The following SIRT4 variants were observed in gnomAD, a reference collection of about 807,000 sequenced individuals.
SIRT4 encodes sirtuin 4.
Under a neutral mutation model 26.1 loss-of-function variants are expected in SIRT4, and 23 were observed. The ratio of observed to expected loss-of-function variants is 0.88; its 90% CI spans 0.63 to 1.25. The LOEUF is 1.25. Ranked by LOEUF, SIRT4 falls within the 50% of genes most tolerant of loss-of-function variation. The pLI is 0.00. For synonymous variants in SIRT4, 155 were observed against 158.4 expected (o/e 0.98, Z 0.16); for missense variants, 361 against 405.4 (o/e 0.89, Z 0.94).
upstream of SIRT4, among the ~76,000 whole-genome samples, chr12:120,302,158 A>G (rs1305848502): frequency 2.6e-5 from 4 of 152,154 alleles, no homozygotes; most frequent in East Asian, 5.8e-4. Flanking sequence ...AAAAAAATCC[A>G]TGATTAAAAG....
At chr12:120,294,639 C>CT in the SIRT4 span, among the ~76,000 whole-genome samples, 1 of 152,058 alleles carries the variant, frequency 6.6e-6, no homozygotes, top group African/African-American at 2.4e-5. Flanking sequence ...ACTTCAACCT[C>CT]TGCTTCCAGG....
At chr12:120,311,027 G>A (rs1872943014) in intron 2 of SIRT4, among the ~76,000 whole-genome samples, 2 of 111,442 alleles carry the variant, frequency 1.8e-5, no homozygotes, top group Non-Finnish European at 3.5e-5. Flanking sequence ...GAGCCACCAC[G>A]CCCAGCCTGA....
At chr12:120,300,668 G>C (rs960726370), upstream of SIRT4, among the ~76,000 whole-genome samples, 3 of 152,096 alleles carry the variant, frequency 2.0e-5, no homozygotes, top group Admixed American at 6.6e-5. Context: ...AGCTGGTCTT[G>C]AACTTTTGGG....
chr12:120,305,024 C>T (rs1872699371), intron 2 of SIRT4, among the ~76,000 whole-genome samples: 1 of 151,172 alleles, frequency 6.6e-6, no homozygotes, highest in East Asian at 2.0e-4. Flanking sequence ...AGTGGTGGCA[C>T]GCACCTGTAA....
chr12:120,296,753 G>C, the SIRT4 span, among the ~76,000 whole-genome samples: 1 of 151,424 alleles, frequency 6.6e-6, no homozygotes, highest in African/African-American at 2.4e-5. Context: ...CAAGTGATCC[G>C]CCCGCCTCGG....
At chr12:120,307,282 G>A (rs151280780) in intron 2 of SIRT4, among the ~76,000 whole-genome samples, 3 of 152,158 alleles carry the variant, frequency 2.0e-5, no homozygotes, top group African/African-American at 4.8e-5. Flanking sequence ...TTGAGCTCAG[G>A]AGTTTGAGAC....
chr12:120,307,867 ACC>A (rs1872802634), intron 2 of SIRT4, among the ~76,000 whole-genome samples: 11 of 152,288 alleles, frequency 7.2e-5, no homozygotes, highest in African/African-American at 2.2e-4. Flanking sequence ...TCAAAAAACA[ACC>A]AAGCAAACAA....
chr12:120,296,708 C>T, the SIRT4 span, among the ~76,000 whole-genome samples: 2 of 151,374 alleles, frequency 1.3e-5, no homozygotes, highest in African/African-American at 2.4e-5. Context: ...CAGGGTTTCA[C>T]CATGTTGCCC....
chr12:120,308,804 G>A (rs1330500009), intron 2 of SIRT4, among the ~76,000 whole-genome samples: 1 of 152,130 alleles, frequency 6.6e-6, no homozygotes, highest in Non-Finnish European at 1.5e-5. Flanking sequence ...AGGTCAGGGA[G>A]GTCAGCCTGA....
chr12:120,298,196 CAAAAAAAAAAAA>C (rs56752571), upstream of SIRT4, among the ~76,000 whole-genome samples: 5 of 21,082 alleles, frequency 2.4e-4, no homozygotes, highest in African/African-American at 8.1e-4. Flanking sequence ...AACTCCATCT[CAAAAAAAAAAAA>C]AAAAAAAAAA....
At chr12:120,302,045 A>AAC (rs1872568630), upstream of SIRT4, among the ~76,000 whole-genome samples, 1 of 148,624 alleles carries the variant, frequency 6.7e-6, no homozygotes, top group African/African-American at 2.5e-5. Flanking sequence ...AAAAAAAAAA[A>AAC]CAACAACTCC....
intron 2 of SIRT4, among the ~76,000 whole-genome samples, chr12:120,308,891 C>T (rs1219376935): frequency 2.0e-5 from 3 of 152,048 alleles, no homozygotes; most frequent in East Asian, 1.9e-4. Context: ...TTTTTTCCGC[C>T]GGGCGTGGTG....
chr12:120,296,356 T>C, the SIRT4 span, among the ~76,000 whole-genome samples: 1 of 151,736 alleles, frequency 6.6e-6, no homozygotes, highest in South Asian at 2.1e-4. Flanking sequence ...TAGCTGGGAC[T>C]ACAGGCGCCC....
chr12:120,304,820 T>C (rs1165885614), intron 2 of SIRT4, among the ~76,000 whole-genome samples: 4 of 7,032 alleles, frequency 5.7e-4, no homozygotes, highest in Admixed American at 1.8e-3. Context: ...TATATATATA[T>C]ATATATATAT....
At chr12:120,299,549 CAAAAA>C (rs35920345), upstream of SIRT4, among the ~76,000 whole-genome samples, 1 of 130,822 alleles carries the variant, frequency 7.6e-6, no homozygotes, top group Non-Finnish European at 1.6e-5. Flanking sequence ...TAGACTCTCT[CAAAAA>C]AAAAAAAAAA....
intron 2 of SIRT4, among the ~76,000 whole-genome samples, chr12:120,304,836 T>TATATATATATATA (rs1491279066): frequency 3.9e-3 from 25 of 6,384 alleles, no homozygotes; most frequent in South Asian, 0.011. Flanking sequence ...TATATATATA[T>TATATATATATATA]TTTTTTTTTT....
At chr12:120,311,110 G>C (rs1315512120) in intron 2 of SIRT4, among the ~76,000 whole-genome samples, 1 of 143,806 alleles carries the variant, frequency 7.0e-6, no homozygotes, top group Non-Finnish European at 1.5e-5. Context: ...TGTAATCCCA[G>C]CATTTTGGGA....
In SIRT4 at chr12:120,312,476, G is replaced by A. The variant is rs989592860; in HGVS notation, c.518G>A (p.Gly173Glu). Residue 173 changes from glycine (G) to glutamate (E), a missense_variant, in exon 3 of 4, where the codon GGG becomes GAG. By Grantham distance (98) the Gly-to-Glu change is moderately conservative. Coordinates refer to ENST00000202967, the MANE Select transcript of SIRT4 (RefSeq NM_012240.3). ...CMDRVLCLDC[G>E]EQTPRGVLQE... is the part of the protein sequence containing the mutation. ...TCCAGGGTCCTGTGCTTGGATTGTG[G>A]GGAACAGACTCCCCGGGGGGTGCTG... The A allele has an allele frequency of 6.2e-7, 1 of 1,613,308 alleles. No homozygotes were observed. The highest frequency in any genetic ancestry group is 8.5e-7 in the Non-Finnish European group (1 of 1,179,632).
chr12:120,313,174 AG>A lies in SIRT4; in HGVS notation c.*140del, dbSNP rs1410591572. ...GCACTGACAAAGTATAGAAGGTTCT[AG>A]GTATCTTAATGTGTGGATATTCTTA... On this transcript the variant is annotated 3_prime_UTR_variant, in exon 4 of 4. Coordinates refer to ENST00000202967, the MANE Select transcript of SIRT4 (RefSeq NM_012240.3). 4 of 919,938 alleles carry A rather than the reference AG, an allele frequency of 4.3e-6. No homozygotes were observed. Among genetic ancestry groups the A allele is most frequent in the Non-Finnish European group, 6.6e-6 (4 of 602,862 alleles). 57.0% of individuals were successfully genotyped at this position (919,938 alleles called of 1,614,324 possible).
Sources: allele counts gnomAD v4.1 joint callset (sites outside exome capture counted in the v4.1 genomes callset), GRCh38; gene constraint gnomAD v4.1.1; transcripts MANE v1.5; gene names NCBI Gene and HGNC (gene_info 2026-07-23, HGNC 2026-07-21).